Variants in NWD2 observed in about 807,000 individuals in gnomAD.
The protein encoded by NWD2 is NACHT and WD repeat domain containing 2.
Under a neutral mutation model 132.7 loss-of-function variants are expected in NWD2, and 37 were observed. The observed-to-expected ratio is 0.28, with a 90% CI of 0.21 to 0.37. The LOEUF (loss-of-function observed/expected upper bound fraction) is 0.37, where lower values mean the gene tolerates loss of function less well. Among genes scored for constraint, NWD2 ranks in the 10% least tolerant of loss-of-function variants. NWD2 has a pLI of 1.00. For missense variants in NWD2, 1,592 were observed against 2,122.4 expected, an observed-to-expected ratio of 0.75 and a Z score of 4.91; for synonymous variants, 705 against 803.0, an observed-to-expected ratio of 0.88 and a Z score of 2.06.
intron 1 of NWD2, among the ~76,000 whole-genome samples, chr4:37,271,787 C>T (rs1430913147): frequency 6.6e-6 from 1 of 151,760 alleles, no homozygotes; most frequent in Non-Finnish European, 1.5e-5. Context: ...GTTTATCATG[C>T]TATTCAGTTC....
chr4:37,338,588 A>G (rs1232551067), intron 2 of NWD2, among the ~76,000 whole-genome samples: 1 of 152,254 alleles, frequency 6.6e-6, no homozygotes, highest in Non-Finnish European at 1.5e-5. Flanking sequence ...GTTTTAGGCA[A>G]ATAAAGAAAC....
intron 3 of NWD2, among the ~76,000 whole-genome samples, chr4:37,426,676 C>A (rs1387990901): frequency 6.6e-6 from 1 of 152,184 alleles, no homozygotes; most frequent in East Asian, 1.9e-4. Flanking sequence ...CTCTCAACTT[C>A]TGAATTCCTT....
Position 37,356,381 on chromosome 4 carries a change from T to C in NWD2, c.256T>C (p.Trp86Arg), listed in dbSNP as rs1205934423. The C allele has an allele frequency of 9.7e-6, 15 of 1,548,264 alleles. No homozygotes were observed. Among genetic ancestry groups the C allele is most frequent in the Non-Finnish European group, 1.3e-5 (15 of 1,144,050 alleles). Residue 86 changes from tryptophan (W) to arginine (R), a missense_variant, in exon 3 of 7, where the codon TGG becomes CGG. Trp to Arg is a moderately radical substitution (Grantham distance 101, BLOSUM62 -3). Coordinates refer to ENST00000309447, the MANE Select transcript of NWD2 (RefSeq NM_001144990.2). The stretch of plus-strand genomic sequence containing the variant: ...CTGTCCCCAGGTCATAGATCTGTAC[T>C]GGGGAGTGGAAGAAGATGAGTGGGA... ...GLEFQVIDLY[W>R]GVEEDEWDSP...
intron 6 of NWD2, among the ~76,000 whole-genome samples, chr4:37,440,722 C>T (rs1182172833): frequency 6.6e-6 from 1 of 152,170 alleles, no homozygotes; most frequent in African/African-American, 2.4e-5. Flanking sequence ...TTCAGAACCT[C>T]CCTTTCAAGT....
chr4:37,358,977 C>T (rs1362234603), intron 3 of NWD2, among the ~76,000 whole-genome samples: 1 of 152,130 alleles, frequency 6.6e-6, no homozygotes, highest in Non-Finnish European at 1.5e-5. Context: ...AAGCATAACC[C>T]ACTATGGGAG....
chr4:37,399,016 C>T (rs1406963928), intron 3 of NWD2, among the ~76,000 whole-genome samples: 4 of 152,126 alleles, frequency 2.6e-5, no homozygotes, highest in African/African-American at 7.2e-5. Flanking sequence ...ATGATAAAAA[C>T]GAAGCATGAC....
chr4:37,399,939 A>G (rs1420972842), intron 3 of NWD2, among the ~76,000 whole-genome samples: 1 of 152,236 alleles, frequency 6.6e-6, no homozygotes, highest in Non-Finnish European at 1.5e-5. Flanking sequence ...CTCAGGTTCG[A>G]GTATCACTAG....
chr4:37,334,484 T>C (rs1357029698), intron 2 of NWD2, among the ~76,000 whole-genome samples: 2 of 152,172 alleles, frequency 1.3e-5, no homozygotes, highest in African/African-American at 4.8e-5. Context: ...AGACATACCC[T>C]TTCTTCACCC....
rs370813973 is a variant in NWD2 at position 37,445,413 on chromosome 4, G to A, written c.3425G>A (p.Gly1142Asp). 4.0e-5 allele frequency: 62 copies of A among 1,551,866 alleles called. No individual in the cohort carries two copies. Among genetic ancestry groups the A allele is most frequent in the Non-Finnish European group, 5.2e-5 (60 of 1,147,058 alleles). ...KLCTVTSEFSGGFVKFLLILD... is the reference protein window; with the variant it reads ...KLCTVTSEFSDGFVKFLLILD... The stretch of plus-strand genomic sequence containing the variant: ...TGTACAGTGACATCAGAATTTTCAG[G>A]TGGATTTGTGAAGTTTCTTCTTATC... Residue 1142 changes from glycine to aspartate, a missense_variant, in exon 7 of 7, where the codon GGT becomes GAT. Gly to Asp is a moderately conservative substitution (Grantham distance 94, BLOSUM62 -1). Around this residue, in one of 7 missense-constraint regions of NWD2, gnomAD observed 1,071 missense variants for 1,398.0 expected, o/e 0.77. Coordinates refer to ENST00000309447, the MANE Select transcript of NWD2 (RefSeq NM_001144990.2). This position sits in a 1 kb window ranked among gnomAD's most constrained non-coding sequence, Gnocchi z 4.7.
rs1712437502 is a variant in NWD2 at position 37,439,970 on chromosome 4, G to T, written c.1296+580G>T. Among the ~76,000 whole-genome samples the T allele has an allele frequency of 6.6e-6, 1 of 152,150 alleles. No homozygotes were observed. The highest frequency in any genetic ancestry group is 2.4e-5 in the African/African-American group (1 of 41,438). On this transcript the variant is annotated intron_variant, in intron 6 of 6. Coordinates refer to ENST00000309447, the MANE Select transcript of NWD2 (RefSeq NM_001144990.2). This position sits in a 1 kb window ranked among gnomAD's most constrained non-coding sequence, Gnocchi z 4.5. ...TTAGGGGATATGGGAAAGGTAAGGT[G>T]GCCAGAAAGTTATTACGTAACCAGT... is the stretch of plus-strand genomic sequence containing the variant.
At chr4:37,309,215 G>A (rs956283435) in intron 1 of NWD2, among the ~76,000 whole-genome samples, 23 of 152,200 alleles carry the variant, frequency 1.5e-4, no homozygotes, top group Admixed American at 1.3e-3. Flanking sequence ...CTGGCAGCAG[G>A]CCCCAGGCAG....
At chr4:37,273,418 C>T (rs1240932261) in intron 1 of NWD2, among the ~76,000 whole-genome samples, 1 of 151,984 alleles carries the variant, frequency 6.6e-6, no homozygotes, top group African/African-American at 2.4e-5. Flanking sequence ...CAGGAGCACC[C>T]AGATTCATAA....
intron 3 of NWD2, among the ~76,000 whole-genome samples, chr4:37,369,561 G>C (rs752746548): frequency 6.6e-6 from 1 of 152,148 alleles, no homozygotes; most frequent in Admixed American, 6.6e-5. Flanking sequence ...TGGTAACCAA[G>C]AGTGAATAAA....
chr4:37,376,348 T>C (rs1720350495), intron 3 of NWD2, among the ~76,000 whole-genome samples: 1 of 152,232 alleles, frequency 6.6e-6, no homozygotes, highest in Admixed American at 6.5e-5. Flanking sequence ...GGATATCATA[T>C]TTATTTCACA....
intron 1 of NWD2, among the ~76,000 whole-genome samples, chr4:37,285,207 G>A (rs751055986): frequency 6.6e-6 from 1 of 152,090 alleles, no homozygotes; most frequent in Admixed American, 6.6e-5. Flanking sequence ...TATGACTCTT[G>A]TGAACGTTCC....
At chr4:37,374,394 G>A (rs913910922) in intron 3 of NWD2, among the ~76,000 whole-genome samples, 3 of 152,148 alleles carry the variant, frequency 2.0e-5, no homozygotes, top group African/African-American at 7.2e-5. Flanking sequence ...ACTTAGCCTC[G>A]GGTATTCATT....
intron 3 of NWD2, among the ~76,000 whole-genome samples, chr4:37,422,289 G>GTAC (rs1158094629): frequency 3.3e-5 from 5 of 152,204 alleles, no homozygotes; most frequent in African/African-American, 1.2e-4. Context: ...TGCCCTTAAA[G>GTAC]TACTGCCTGT....
Position 37,446,911 on chromosome 4 carries a change from G to A in NWD2, c.4923G>A (p.Gly1641=), listed in dbSNP as rs777752418. The part of the protein sequence containing the change: ...IIVGFDDGSI[G]IYTVVDRVDA... ...TGGGCTTTGATGATGGGAGTATAGG[G>A]ATCTACACGGTAGTAGACCGTGTAG... is the stretch of plus-strand genomic sequence containing the variant. Residue 1641 remains glycine (G), a synonymous_variant, in exon 7 of 7, where the codon GGG becomes GGA. Transcript: ENST00000309447. This position sits in a 1 kb window ranked among gnomAD's most constrained non-coding sequence, Gnocchi z 6.7. 2 of 1,551,550 alleles carry A rather than the reference G, an allele frequency of 1.3e-6. No individual in the cohort carries two copies. Among genetic ancestry groups the A allele is most frequent in the Admixed American group, 2.0e-5 (1 of 50,972 alleles).
intron 3 of NWD2, among the ~76,000 whole-genome samples, chr4:37,361,408 C>T (rs1719979429): frequency 1.3e-5 from 2 of 152,054 alleles, no homozygotes; most frequent in Non-Finnish European, 2.9e-5. Flanking sequence ...GCAAATATTC[C>T]TGGTGAACAT....
Sources: gnomAD v4.1 joint callset for allele counts (sites outside exome capture counted in the v4.1 genomes callset) on GRCh38, gnomAD v4.1.1 for gene constraint, gnomAD v4.1.1 regional missense constraint, Gnocchi (gnomAD v3.1) non-coding constraint, MANE v1.5 for transcripts, NCBI Gene and HGNC (gene_info 2026-07-23, HGNC 2026-07-21) for gene names.